Variants in SLC24A2 observed in about 807,000 individuals in gnomAD.
SLC24A2 encodes sodium/potassium/calcium exchanger 2.
In SLC24A2, 36 loss-of-function variants were observed where a neutral mutation model predicts 62.0. That is an observed-to-expected ratio of 0.58 (90% CI 0.44 to 0.77). The LOEUF (loss-of-function observed/expected upper bound fraction) is 0.77. SLC24A2 is among the 30% of genes least tolerant of loss of function. The probability of loss-of-function intolerance (pLI) is 0.00; values close to 1 mark genes in which losing one functional copy is unlikely to be tolerated. For synonymous variants in SLC24A2, 358 were observed against 294.0 expected (o/e 1.22, Z -2.23); for missense variants, 846 against 817.9 (o/e 1.03, Z -0.42).
At chr9:19,857,734 T>C in the SLC24A2 span, among the ~76,000 whole-genome samples, 1 of 136,978 alleles carries the variant, frequency 7.3e-6, no homozygotes, top group Non-Finnish European at 1.6e-5. Context: ...TAAACTAACA[T>C]TACTTCAGTA....
chr9:19,527,068 T>C (rs1833477861), intron 9 of SLC24A2, among the ~76,000 whole-genome samples: 1 of 152,192 alleles, frequency 6.6e-6, no homozygotes, highest in Non-Finnish European at 1.5e-5. Context: ...CATATGGAAA[T>C]CCAATTATTC....
the SLC24A2 span, among the ~76,000 whole-genome samples, chr9:19,802,873 T>C: frequency 2.6e-5 from 4 of 152,246 alleles, no homozygotes; most frequent in Non-Finnish European, 4.4e-5. Flanking sequence ...TATTAGGAGA[T>C]TGGGCCTTTA....
chr9:20,217,973 A>G, the SLC24A2 span, among the ~76,000 whole-genome samples: 1 of 152,324 alleles, frequency 6.6e-6, no homozygotes, highest in South Asian at 2.1e-4. Context: ...TCAACTAGTC[A>G]TTAGAAACCC....
chr9:19,937,599 A>C, the SLC24A2 span, among the ~76,000 whole-genome samples: 1 of 152,232 alleles, frequency 6.6e-6, no homozygotes, highest in South Asian at 2.1e-4. Flanking sequence ...TGAGTTTAAA[A>C]CTATACTTTC....
At chr9:19,708,881 G>T (rs1255531212) in intron 2 of SLC24A2, among the ~76,000 whole-genome samples, 1 of 152,082 alleles carries the variant, frequency 6.6e-6, no homozygotes, top group Admixed American at 6.5e-5. Context: ...AAAAGCAATG[G>T]CAACAAAAGC....
intron 2 of SLC24A2, among the ~76,000 whole-genome samples, chr9:19,695,156 G>C (rs1820151462): frequency 1.3e-5 from 2 of 152,078 alleles, no homozygotes; most frequent in Non-Finnish European, 1.5e-5. Context: ...GGCATCTAGT[G>C]GGTAGAGGCT....
the SLC24A2 span, among the ~76,000 whole-genome samples, chr9:20,106,129 C>G: frequency 6.6e-6 from 1 of 152,094 alleles, no homozygotes; most frequent in African/African-American, 2.4e-5. Context: ...ACACTTACAC[C>G]CTCCCAAGAC....
chr9:20,225,947 G>A, the SLC24A2 span, among the ~76,000 whole-genome samples: 1 of 151,952 alleles, frequency 6.6e-6, no homozygotes, highest in Non-Finnish European at 1.5e-5. Flanking sequence ...AAGGGAGGAA[G>A]AGAGAGAGGG....
the SLC24A2 span, among the ~76,000 whole-genome samples, chr9:20,068,219 C>T: frequency 1.3e-5 from 2 of 151,844 alleles, no homozygotes; most frequent in Non-Finnish European, 2.9e-5. Context: ...CCCAACACCA[C>T]GCCTGGATAA....
At chr9:20,091,591 A>C in the SLC24A2 span, among the ~76,000 whole-genome samples, 1 of 152,174 alleles carries the variant, frequency 6.6e-6, no homozygotes, top group South Asian at 2.1e-4. Flanking sequence ...CAAGAATTTT[A>C]TATCTACTAA....
the SLC24A2 span, among the ~76,000 whole-genome samples, chr9:19,833,845 C>A: frequency 2.0e-5 from 3 of 152,232 alleles, no homozygotes; most frequent in Non-Finnish European, 4.4e-5. Context: ...CGGACTGACA[C>A]CTCACATGTC....
At chr9:19,821,285 T>G in the SLC24A2 span, among the ~76,000 whole-genome samples, 1 of 152,178 alleles carries the variant, frequency 6.6e-6, no homozygotes, top group Non-Finnish European at 1.5e-5. Flanking sequence ...ATTTGTAATC[T>G]AGATTCTGCA....
At chr9:19,854,696 A>T in the SLC24A2 span, among the ~76,000 whole-genome samples, 1 of 152,068 alleles carries the variant, frequency 6.6e-6, no homozygotes, top group Admixed American at 6.6e-5. Flanking sequence ...TTGCTGAGGA[A>T]TGTTTTACTT....
At chr9:20,046,860 C>T in the SLC24A2 span, among the ~76,000 whole-genome samples, 1 of 152,184 alleles carries the variant, frequency 6.6e-6, no homozygotes, top group Non-Finnish European at 1.5e-5. Context: ...CAGTTTTCTT[C>T]CTAGTGATCC....
chr9:20,073,452 T>G, the SLC24A2 span, among the ~76,000 whole-genome samples: 1 of 152,116 alleles, frequency 6.6e-6, no homozygotes, highest in South Asian at 2.1e-4. Context: ...TAACATAACC[T>G]AATCACAGAT....
chr9:19,769,559 T>C (rs1469035413), intron 2 of SLC24A2, among the ~76,000 whole-genome samples: 2 of 152,242 alleles, frequency 1.3e-5, no homozygotes, highest in Non-Finnish European at 2.9e-5. Flanking sequence ...AAGTGTTGTG[T>C]TTTGACCCTA....
At chr9:20,117,984 T>C in the SLC24A2 span, among the ~76,000 whole-genome samples, 1 of 152,254 alleles carries the variant, frequency 6.6e-6, no homozygotes, top group African/African-American at 2.4e-5. Flanking sequence ...TGACTGACTC[T>C]AGGGCTCAAG....
At chr9:20,255,844 T>A in the SLC24A2 span, among the ~76,000 whole-genome samples, 1 of 152,206 alleles carries the variant, frequency 6.6e-6, no homozygotes, top group African/African-American at 2.4e-5. Flanking sequence ...ATTCTTCCAT[T>A]TTGTGAAGCA....
the SLC24A2 span, among the ~76,000 whole-genome samples, chr9:19,934,408 TGA>T: frequency 3.9e-5 from 6 of 152,064 alleles, no homozygotes; most frequent in Non-Finnish European, 7.4e-5. The surrounding 1 kb of genome is among the most constrained non-coding windows in gnomAD (Gnocchi z 4.1). Flanking sequence ...TGCACCGGTG[TGA>T]GAGTGTATCC....
Sources: allele counts gnomAD v4.1 joint callset (sites outside exome capture counted in the v4.1 genomes callset), GRCh38; gene constraint gnomAD v4.1.1; non-coding constraint Gnocchi (gnomAD v3.1); transcripts MANE v1.5; gene names NCBI Gene and HGNC (gene_info 2026-07-23, HGNC 2026-07-21).